The following TNPO3 variants were observed in gnomAD, a reference collection of about 807,000 sequenced individuals.
The protein encoded by TNPO3 is transportin-3.
A neutral mutation model predicts 122.8 loss-of-function variants in TNPO3; 65 were observed. The ratio of observed to expected loss-of-function variants is 0.53; its 90% CI spans 0.43 to 0.65. TNPO3 has a LOEUF of 0.65. TNPO3 is among the 30% of genes least tolerant of loss of function. The pLI is 0.00. For missense variants in TNPO3, 850 were observed against 1,136.7 expected, an observed-to-expected ratio of 0.75 and a Z score of 3.63; for synonymous variants, 372 against 411.2, an observed-to-expected ratio of 0.90 and a Z score of 1.15.
chr7:129,005,305 T>C (rs1584567258), intron 4 of TNPO3, 146 bp from the exon 5 acceptor site: 1 of 47,476 alleles, frequency 2.1e-5, no homozygotes, highest in Non-Finnish European at 3.8e-5. Context: ...AGTGTCACTG[T>C]TTTTTTTTTT....
At chr7:129,004,214 T>C (rs1385603710) in intron 5 of TNPO3, among the ~76,000 whole-genome samples, 5 of 152,172 alleles carry the variant, frequency 3.3e-5, no homozygotes, top group African/African-American at 7.2e-5. Context: ...TCTAGCATCA[T>C]GGTACTATCT....
At chr7:128,970,412 A>G in intron 19 of TNPO3, 97 bp from the exon 20 acceptor site, 1 of 1,251,928 alleles carries the variant, frequency 8.0e-7, no homozygotes, top group Non-Finnish European at 1.1e-6. Context: ...TTTAATAGGA[A>G]AGTGTGTGTG....
At chr7:129,046,330 T>C (rs1808055888) in intron 1 of TNPO3, among the ~76,000 whole-genome samples, 1 of 152,294 alleles carries the variant, frequency 6.6e-6, no homozygotes, top group Admixed American at 6.5e-5. Flanking sequence ...GAAAGATCTT[T>C]GGTTTTCATT....
chr7:129,053,457 T>C (rs1809047805), intron 1 of TNPO3, among the ~76,000 whole-genome samples: 1 of 139,814 alleles, frequency 7.2e-6, no homozygotes, highest in Admixed American at 7.7e-5. Flanking sequence ...ATGGGACCAC[T>C]GCACTCCAGC....
intron 1 of TNPO3, among the ~76,000 whole-genome samples, chr7:129,038,954 G>A (rs1006393353): frequency 1.3e-5 from 2 of 152,094 alleles, no homozygotes; most frequent in Non-Finnish European, 2.9e-5. Context: ...CAACAAACCT[G>A]CATGTGTATC....
chr7:129,056,020 T>TGGCGCTGGAGCTGA, upstream of TNPO3: 2 of 1,073,396 alleles, frequency 1.9e-6, no homozygotes, highest in Non-Finnish European at 2.8e-6. Flanking sequence ...TCCAGCGCCA[T>TGGCGCTGGAGCTGA]GGCGCCCTCC....
intron 21 of TNPO3, among the ~76,000 whole-genome samples, chr7:128,959,902 T>C (rs924521149): frequency 6.6e-6 from 1 of 152,126 alleles, no homozygotes; most frequent in Admixed American, 6.5e-5. Context: ...GCACCTGTGA[T>C]CCCAGCTACT....
chr7:128,976,892 T>C (rs1799114264), intron 16 of TNPO3, among the ~76,000 whole-genome samples: 1 of 152,246 alleles, frequency 6.6e-6, no homozygotes, highest in Non-Finnish European at 1.5e-5. Context: ...AATTATATGC[T>C]CTACTAAGGA....
In TNPO3 at chr7:128,997,383, A is replaced by T; in HGVS notation, c.1158+6T>A. 1.9e-6 allele frequency: 3 copies of T among 1,613,746 alleles called. No homozygotes were observed. The South Asian group carries it at 3.3e-5, about 18-fold the overall frequency. On this transcript the variant is annotated splice_donor_region_variant and intron_variant, in intron 8 of 22. Coordinates refer to ENST00000265388, the MANE Select transcript of TNPO3 (RefSeq NM_012470.4). ...AAGATTTGAAGAGGTAGAGAAGGGA[A>T]CTTACATGGTCTGGTTCCAGCTGGC...
chr7:128,991,244 A>T (rs942139459), intron 10 of TNPO3, among the ~76,000 whole-genome samples: 2 of 152,224 alleles, frequency 1.3e-5, no homozygotes, highest in Admixed American at 6.5e-5. Context: ...TTACTGGATT[A>T]GAAACAATAT....
At position 128,975,727 on chromosome 7, in the gene TNPO3, A is replaced by G. The variant is rs1324618205; in HGVS notation, c.2178+92T>C. 8 of 789,140 alleles carry G rather than the reference A, an allele frequency of 1.0e-5. No homozygotes were observed. In the Admixed American group the frequency reaches 1.8e-4, roughly 18 times the overall value. 48.9% of individuals were successfully genotyped at this position (789,140 alleles called of 1,614,324 possible). A position where few individuals can be genotyped will look rare whatever the true frequency, so the allele number is the denominator to read the frequency against. ...ACATGCCTGGGGGAAAACATAAAGA[A>G]GCAACAGAATTAAAGACATGGTAAA... On this transcript the variant is annotated intron_variant, in intron 17 of 22. Transcript: ENST00000265388.
chr7:129,055,641 A>G (rs1229948303), upstream of TNPO3: 1 of 172,948 alleles, frequency 5.8e-6, no homozygotes, highest in African/African-American at 2.4e-5. Context: ...AGAGGTCTTC[A>G]TTCTGCTTAC....
intron 1 of TNPO3, among the ~76,000 whole-genome samples, chr7:129,033,662 G>T (rs760695892): frequency 5.9e-5 from 9 of 152,146 alleles, no homozygotes; most frequent in Non-Finnish European, 1.2e-4. Context: ...GCTCACACCT[G>T]TAATCCCAGC....
chr7:129,048,915 T>A (rs1317786194), intron 1 of TNPO3, among the ~76,000 whole-genome samples: 1 of 152,204 alleles, frequency 6.6e-6, no homozygotes, highest in African/African-American at 2.4e-5. Context: ...TTGGACTACA[T>A]AAACAAATGT....
Position 128,976,964 on chromosome 7 carries a change from C to A in TNPO3, c.2062-1029G>T, listed in dbSNP as rs1417331220. Among the ~76,000 whole-genome samples, 6 of 152,186 alleles carry A rather than the reference C, an allele frequency of 3.9e-5. No individual in the cohort carries two copies. The East Asian group carries it at 1.2e-3, about 29-fold the overall frequency. ...GGGCTACTTTGTAAAAAGTATAGATCTTATCCACCATTCAGTCTTCTGCCC... is the reference window on the plus strand; with the variant it reads ...GGGCTACTTTGTAAAAAGTATAGATATTATCCACCATTCAGTCTTCTGCCC... On this transcript the variant is annotated intron_variant, in intron 16 of 22. Coordinates refer to ENST00000265388, the MANE Select transcript of TNPO3 (RefSeq NM_012470.4).
At chr7:128,985,598 A>T (rs911475922) in intron 12 of TNPO3, among the ~76,000 whole-genome samples, 5 of 152,212 alleles carry the variant, frequency 3.3e-5, no homozygotes, top group African/African-American at 1.2e-4. Flanking sequence ...TGTCTCTAAA[A>T]TAAATAAATA....
At chr7:128,990,143 G>A (rs757966219) in intron 10 of TNPO3, 43 bp from the exon 11 acceptor site, 1 of 1,612,976 alleles carries the variant, frequency 6.2e-7, no homozygotes, top group Non-Finnish European at 8.5e-7. Flanking sequence ...GATTTCAGAG[G>A]TTATATTCTG....
intron 1 of TNPO3, chr7:129,029,022 T>C: frequency 2.5e-6 from 1 of 396,564 alleles, no homozygotes. Context: ...TTCTATGTCA[T>C]GGACCTTAGA....
At chr7:128,996,023 G>C (rs117126306) in intron 8 of TNPO3, among the ~76,000 whole-genome samples, 2 of 152,272 alleles carry the variant, frequency 1.3e-5, no homozygotes, top group Non-Finnish European at 2.9e-5. Flanking sequence ...AAAAAATAGC[G>C]GGGGTGGGTG....
Sources: allele counts gnomAD v4.1 joint callset (sites outside exome capture counted in the v4.1 genomes callset), GRCh38; gene constraint gnomAD v4.1.1; transcripts MANE v1.5; gene names NCBI Gene and HGNC (gene_info 2026-07-23, HGNC 2026-07-21).